GHR: variants seen among roughly 807,000 people sequenced by gnomAD.
GHR encodes GH receptor.
GHR carries 35 observed loss-of-function variants against 67.1 expected under a neutral mutation model. The ratio of observed to expected loss-of-function variants is 0.52; its 90% CI spans 0.40 to 0.69. The LOEUF is 0.69. Ranked by LOEUF, GHR falls within the 30% of genes least tolerant of loss-of-function variation. The pLI, the probability that GHR is intolerant of heterozygous loss-of-function variation, is 0.00. For missense variants in GHR, 792 were observed against 764.6 expected (o/e 1.04, Z -0.42); for synonymous variants, 272 against 269.1 (o/e 1.01, Z -0.10).
chr5:42,473,782 C>A (rs1745113158), intron 1 of GHR, among the ~76,000 whole-genome samples: 1 of 150,180 alleles, frequency 6.7e-6, no homozygotes, highest in Non-Finnish European at 1.5e-5. Flanking sequence ...GAGGCTGAGG[C>A]AGGAGAATCG....
At chr5:42,587,172 A>G (rs1173469617) in intron 2 of GHR, among the ~76,000 whole-genome samples, 7 of 104,994 alleles carry the variant, frequency 6.7e-5, no homozygotes, top group African/African-American at 2.0e-4. Context: ...CAGTCAGGAC[A>G]AACAAGTGAA....
chr5:42,586,973 T>A (rs1751508307), intron 2 of GHR, among the ~76,000 whole-genome samples: 1 of 151,952 alleles, frequency 6.6e-6, no homozygotes, highest in African/African-American at 2.4e-5. Context: ...GTTCAATATT[T>A]GAGGTCAGTC....
At chr5:42,620,999 C>G (rs1400930349) in intron 2 of GHR, among the ~76,000 whole-genome samples, 2 of 152,072 alleles carry the variant, frequency 1.3e-5, no homozygotes, top group Non-Finnish European at 2.9e-5. Context: ...AATATTGGCC[C>G]AGTGCCAAAA....
chr5:42,564,378 CAA>C (rs1171359143), intron 1 of GHR, among the ~76,000 whole-genome samples: 1 of 151,416 alleles, frequency 6.6e-6, no homozygotes, highest in Non-Finnish European at 1.5e-5. Flanking sequence ...TGAAATCTCA[CAA>C]AGTGTGTTCA....
intron 2 of GHR, among the ~76,000 whole-genome samples, chr5:42,604,698 A>G (rs1433836221): frequency 8.0e-6 from 1 of 125,250 alleles, no homozygotes; most frequent in Non-Finnish European, 1.6e-5. Context: ...GGACAAAGTA[A>G]TATCACACCC....
chr5:42,479,849 T>A (rs1298789850), intron 1 of GHR, among the ~76,000 whole-genome samples: 1 of 152,220 alleles, frequency 6.6e-6, no homozygotes, highest in African/African-American at 2.4e-5. Context: ...CCTGGATTCA[T>A]TAATTTTTTT....
At position 42,579,918 on chromosome 5, in the gene GHR, TA is replaced by T. The variant is rs113902112; in HGVS notation, c.70+13978del. 4.7e-3 allele frequency among the ~76,000 whole-genome samples: 717 copies of T among 151,252 alleles called. 3 individuals are homozygous for T. The highest frequency in any genetic ancestry group is 0.015 in the African/African-American group (606 of 41,160). ...ACCATGCCATGCTGTTTTTTTTTTT[TA>T]AAATCATTACACATGAAACAAACAG... On this transcript the variant is annotated intron_variant, in intron 2 of 9. Transcript: ENST00000230882.
intron 1 of GHR, among the ~76,000 whole-genome samples, chr5:42,537,450 A>G (rs1748307676): frequency 6.6e-6 from 1 of 152,100 alleles, no homozygotes; most frequent in Non-Finnish European, 1.5e-5. Context: ...TTTAGTTTCT[A>G]TGTATTTGCA....
intron 2 of GHR, among the ~76,000 whole-genome samples, chr5:42,577,967 A>T (rs1210343831): frequency 1.3e-5 from 2 of 152,224 alleles, no homozygotes; most frequent in African/African-American, 4.8e-5. Context: ...ATACTTAATC[A>T]GAAAAATATT....
At chr5:42,588,793 ATT>A (rs1751629368) in intron 2 of GHR, among the ~76,000 whole-genome samples, 1 of 152,156 alleles carries the variant, frequency 6.6e-6, no homozygotes, top group South Asian at 2.1e-4. Flanking sequence ...ACAAAACAAA[ATT>A]CATAGCTTTG....
At chr5:42,684,026 T>C (rs573590672) in intron 3 of GHR, among the ~76,000 whole-genome samples, 2 of 152,330 alleles carry the variant, frequency 1.3e-5, no homozygotes, top group South Asian at 4.1e-4. Flanking sequence ...GTTTTGAAGT[T>C]GAGTTTATTA....
intron 3 of GHR, among the ~76,000 whole-genome samples, chr5:42,661,653 C>T (rs1379624641): frequency 6.6e-6 from 1 of 152,136 alleles, no homozygotes; most frequent in Non-Finnish European, 1.5e-5. Context: ...CAAAATCATG[C>T]CAAATTGTAA....
chr5:42,528,288 AC>A (rs1264309861), intron 1 of GHR, among the ~76,000 whole-genome samples: 1 of 152,214 alleles, frequency 6.6e-6, no homozygotes, highest in Non-Finnish European at 1.5e-5. Flanking sequence ...ACCATTAAAA[AC>A]ATTTATGATT....
At chr5:42,575,727 C>A (rs567211898) in intron 2 of GHR, among the ~76,000 whole-genome samples, 3 of 149,740 alleles carry the variant, frequency 2.0e-5, no homozygotes, top group African/African-American at 7.4e-5. Context: ...ATGAAGCCTG[C>A]ATGTAAAAAA....
chr5:42,658,770 A>G (rs967775910), intron 3 of GHR, among the ~76,000 whole-genome samples: 3 of 152,156 alleles, frequency 2.0e-5, no homozygotes, highest in African/African-American at 7.2e-5. Flanking sequence ...TCTCTAATGC[A>G]CAGGACAGCA....
At chr5:42,543,556 T>C (rs1374651029) in intron 1 of GHR, among the ~76,000 whole-genome samples, 1 of 152,326 alleles carries the variant, frequency 6.6e-6, no homozygotes, top group East Asian at 1.9e-4. Context: ...TTATTTGTGT[T>C]CTGGCATCTG....
At position 42,591,250 on chromosome 5, in the gene GHR, G is replaced by A. The variant is rs35738993; in HGVS notation, c.70+25306G>A. Among the ~76,000 whole-genome samples, 573 of 152,274 alleles carry A rather than the reference G, an allele frequency of 3.8e-3. 4 individuals carry two copies. Among genetic ancestry groups the A allele is most frequent in the African/African-American group, 0.013 (549 of 41,550 alleles). On this transcript the variant is annotated intron_variant, in intron 2 of 9. Transcript: ENST00000230882. ...ACAGCACTGATAATGCCCAGAAATG[G>A]GGCAGACGCTTTTCGCATTTGGTCA...
intron 1 of GHR, among the ~76,000 whole-genome samples, chr5:42,480,230 G>T (rs1013333028): frequency 6.6e-6 from 1 of 152,202 alleles, no homozygotes; most frequent in African/African-American, 2.4e-5. Flanking sequence ...GTTCTACTTT[G>T]ATTGCACTGT....
chr5:42,591,385 A>C (rs977002529), intron 2 of GHR, among the ~76,000 whole-genome samples: 1 of 152,218 alleles, frequency 6.6e-6, no homozygotes. Context: ...TTTCTCTTTC[A>C]GAACAAGTGG....
Sources: allele counts gnomAD v4.1 joint callset (sites outside exome capture counted in the v4.1 genomes callset), GRCh38; gene constraint gnomAD v4.1.1; transcripts MANE v1.5; gene names NCBI Gene and HGNC (gene_info 2026-07-23, HGNC 2026-07-21).